OXR1: variants seen among roughly 807,000 people sequenced by gnomAD.
The protein encoded by OXR1 is oxidation resistance 1.
A neutral mutation model predicts 104.6 loss-of-function variants in OXR1; 41 were observed. That is an observed-to-expected ratio of 0.39 (90% CI 0.31 to 0.51). The LOEUF is 0.51. Among genes scored for constraint, OXR1 ranks in the 20% least tolerant of loss-of-function variants. OXR1 has a pLI of 0.77. For synonymous variants in OXR1, 348 were observed against 348.4 expected (o/e 1.00, Z 0.01); for missense variants, 955 against 1,031.9 (o/e 0.93, Z 1.02).
intron 3 of OXR1, among the ~76,000 whole-genome samples, chr8:106,612,837 T>G (rs1314775348): frequency 2.0e-5 from 3 of 152,136 alleles, no homozygotes; most frequent in Non-Finnish European, 1.5e-5. Context: ...ATACTAAGAT[T>G]CTAGTTTTAC....
chr8:106,292,462 G>C (rs1176105389), intron 1 of OXR1, among the ~76,000 whole-genome samples: 1 of 152,136 alleles, frequency 6.6e-6, no homozygotes, highest in Non-Finnish European at 1.5e-5. Context: ...TGAGTGACTA[G>C]TTAAGATGGA....
chr8:106,748,935 C>G (rs1490820224), intron 16 of OXR1, among the ~76,000 whole-genome samples: 1 of 152,078 alleles, frequency 6.6e-6, no homozygotes, highest in Non-Finnish European at 1.5e-5. Flanking sequence ...AAACACATCT[C>G]TATACTTAAA....
chr8:106,317,277 A>G (rs1356344452), intron 1 of OXR1, among the ~76,000 whole-genome samples: 2 of 152,198 alleles, frequency 1.3e-5, no homozygotes, highest in Admixed American at 1.3e-4. Context: ...GGGCAAAAAC[A>G]TAACGCTTGC....
At chr8:106,655,167 A>T (rs1223893825) in intron 3 of OXR1, among the ~76,000 whole-genome samples, 4 of 152,138 alleles carry the variant, frequency 2.6e-5, no homozygotes, top group Non-Finnish European at 4.4e-5. Flanking sequence ...GATGGTAAAA[A>T]GTTTCTTTTT....
intron 3 of OXR1, among the ~76,000 whole-genome samples, chr8:106,658,358 C>T: frequency 6.6e-6 from 1 of 152,182 alleles, no homozygotes; most frequent in East Asian, 1.9e-4. Context: ...AGGAAGGACT[C>T]GTTCGGCTCT....
At chr8:106,440,807 A>C (rs1299388701) in intron 2 of OXR1, among the ~76,000 whole-genome samples, 4 of 152,134 alleles carry the variant, frequency 2.6e-5, no homozygotes, top group African/African-American at 9.7e-5. Flanking sequence ...ACATCACCAA[A>C]TTAAAATTAA....
intron 2 of OXR1, among the ~76,000 whole-genome samples, chr8:106,432,221 C>G (rs961155080): frequency 6.6e-5 from 10 of 152,158 alleles, no homozygotes; most frequent in African/African-American, 2.4e-4. Flanking sequence ...CAGTGCAACA[C>G]TACTCCATCT....
chr8:106,724,837 C>T (rs182011430), intron 11 of OXR1, among the ~76,000 whole-genome samples: 1 of 152,272 alleles, frequency 6.6e-6, no homozygotes, highest in Admixed American at 6.5e-5. Flanking sequence ...ACAGAATAGA[C>T]TATGCCATGC....
intron 2 of OXR1, among the ~76,000 whole-genome samples, chr8:106,361,279 G>A (rs1816232283): frequency 6.6e-6 from 1 of 152,214 alleles, no homozygotes; most frequent in African/African-American, 2.4e-5. Flanking sequence ...CTATCTTATA[G>A]AATTCATCTA....
At chr8:106,699,034 T>C (rs1379616967) in intron 7 of OXR1, among the ~76,000 whole-genome samples, 1 of 152,204 alleles carries the variant, frequency 6.6e-6, no homozygotes, top group Non-Finnish European at 1.5e-5. Flanking sequence ...GGCTTTTATT[T>C]CTTTGATGAT....
At chr8:106,427,121 G>A (rs182867330) in intron 2 of OXR1, among the ~76,000 whole-genome samples, 2 of 152,216 alleles carry the variant, frequency 1.3e-5, no homozygotes, top group Admixed American at 1.3e-4. Context: ...AACCAGGCTT[G>A]CAGTTGTGAA....
At chr8:106,436,195 G>A (rs1819559409) in intron 2 of OXR1, among the ~76,000 whole-genome samples, 1 of 151,968 alleles carries the variant, frequency 6.6e-6, no homozygotes, top group East Asian at 1.9e-4. Context: ...CTGTTTATGT[G>A]CCATACAGTC....
intron 2 of OXR1, among the ~76,000 whole-genome samples, chr8:106,457,324 G>A (rs145978799): frequency 4.1e-4 from 63 of 152,288 alleles, no homozygotes; most frequent in Middle Eastern, 6.8e-3. Flanking sequence ...GTCATGGGAT[G>A]ATGCAGCAGG....
intron 3 of OXR1, among the ~76,000 whole-genome samples, chr8:106,595,329 A>G (rs2130721294): frequency 6.6e-6 from 1 of 152,254 alleles, no homozygotes; most frequent in Middle Eastern, 3.4e-3. Flanking sequence ...AGGAGGGAGG[A>G]TCACGAGGTC....
chr8:106,420,114 A>C (rs1341103945), intron 2 of OXR1, among the ~76,000 whole-genome samples: 1 of 152,152 alleles, frequency 6.6e-6, no homozygotes, highest in Admixed American at 6.6e-5. Flanking sequence ...AAAAATATTT[A>C]TTATAGGATT....
chr8:106,691,840 C>T (rs923584505), intron 6 of OXR1, among the ~76,000 whole-genome samples: 2 of 150,674 alleles, frequency 1.3e-5, no homozygotes, highest in African/African-American at 2.4e-5. Flanking sequence ...TACAATATTA[C>T]AGTTAAGCTC....
chr8:106,371,795 G>T (rs2130377500), intron 2 of OXR1, among the ~76,000 whole-genome samples: 1 of 152,322 alleles, frequency 6.6e-6, no homozygotes, highest in East Asian at 1.9e-4. Flanking sequence ...AATGAGGAAG[G>T]ATAGGCCTGA....
chr8:106,704,404 T>C (rs1221210659), intron 8 of OXR1, among the ~76,000 whole-genome samples: 3 of 58,240 alleles, frequency 5.2e-5, no homozygotes, highest in East Asian at 6.3e-4. Flanking sequence ...TTTTTTTTTT[T>C]TTTTTTTTTT....
At chr8:106,614,693 T>C (rs1455321655) in intron 3 of OXR1, among the ~76,000 whole-genome samples, 3 of 152,116 alleles carry the variant, frequency 2.0e-5, no homozygotes, top group African/African-American at 7.2e-5. Context: ...GAGCAAAGAA[T>C]AAAGAACAAA....
Sources: gnomAD v4.1 joint callset for allele counts (sites outside exome capture counted in the v4.1 genomes callset) on GRCh38, gnomAD v4.1.1 for gene constraint, MANE v1.5 for transcripts, NCBI Gene and HGNC (gene_info 2026-07-23, HGNC 2026-07-21) for gene names.